The following DIS3L2 variants were observed in gnomAD, a reference collection of about 807,000 sequenced individuals.
DIS3L2 encodes the protein DIS3-like exonuclease 2.
DIS3L2 carries 34 observed loss-of-function variants against 97.5 expected under a neutral mutation model. The ratio of observed to expected loss-of-function variants is 0.35; its 90% CI spans 0.27 to 0.46. The LOEUF (loss-of-function observed/expected upper bound fraction) is 0.46, where lower values mean the gene tolerates loss of function less well. DIS3L2 is among the 20% of genes least tolerant of loss of function. The pLI is 1.00. For synonymous variants in DIS3L2, 435 were observed against 445.2 expected, an observed-to-expected ratio of 0.98 and a Z score of 0.29; for missense variants, 1,038 against 1,146.0, an observed-to-expected ratio of 0.91 and a Z score of 1.36.
intron 9 of DIS3L2, among the ~76,000 whole-genome samples, chr2:232,167,180 C>T (rs1690849303): frequency 6.6e-6 from 1 of 151,990 alleles, no homozygotes; most frequent in Admixed American, 6.6e-5. Flanking sequence ...GAAATTACTA[C>T]TTTAGGCATC....
intron 14 of DIS3L2, among the ~76,000 whole-genome samples, chr2:232,305,217 A>T (rs1408507203): frequency 6.6e-6 from 1 of 152,156 alleles, no homozygotes; most frequent in African/African-American, 2.4e-5. Context: ...CTGGGATTAC[A>T]GGCGCGCACC....
chr2:232,168,008 A>G (rs945271004), intron 9 of DIS3L2, among the ~76,000 whole-genome samples: 3 of 152,186 alleles, frequency 2.0e-5, no homozygotes, highest in African/African-American at 7.2e-5. Flanking sequence ...AGATTGTGCC[A>G]CTGAACTCCA....
chr2:232,329,785 T>TGCCGGGGGGCCC, intron 14 of DIS3L2, 28 bp from the exon 15 acceptor site: 36 of 967,130 alleles, frequency 3.7e-5, no homozygotes, highest in Non-Finnish European at 4.8e-5. Context: ...ACCCCAGCGG[T>TGCCGGGGGGCCC]CCCTCCCATC....
intron 6 of DIS3L2, among the ~76,000 whole-genome samples, chr2:232,113,090 GGTT>G (rs1315167503): frequency 2.0e-5 from 3 of 152,152 alleles, no homozygotes; most frequent in African/African-American, 7.2e-5. Context: ...AGTCATCCAA[GGTT>G]GTTACAGAAA....
At chr2:232,027,615 T>C (rs898247003) in intron 4 of DIS3L2, among the ~76,000 whole-genome samples, 6 of 152,248 alleles carry the variant, frequency 3.9e-5, no homozygotes, top group African/African-American at 1.4e-4. Context: ...TCATTTGCTA[T>C]GCTAAAATAT....
intron 5 of DIS3L2, among the ~76,000 whole-genome samples, chr2:232,052,950 C>T (rs1480298799): frequency 6.6e-6 from 1 of 152,100 alleles, no homozygotes; most frequent in Middle Eastern, 3.2e-3. Flanking sequence ...ATGGCAAGTG[C>T]CGTTTGTTGT....
At chr2:232,287,801 G>A (rs748235716) in intron 13 of DIS3L2, among the ~76,000 whole-genome samples, 1 of 152,058 alleles carries the variant, frequency 6.6e-6, no homozygotes, top group Non-Finnish European at 1.5e-5. Context: ...TTCACAATAC[G>A]CGTGGGTTCT....
At chr2:232,336,026 A>AC (rs1170146344) in intron 20 of DIS3L2, 152 bp downstream of exon 20, 3 of 1,522,420 alleles carry the variant, frequency 2.0e-6, no homozygotes, top group African/African-American at 2.8e-5. Context: ...GCTCACCCAG[A>AC]CCCCCTCCTG....
At chr2:232,158,993 C>T (rs903909711) in intron 8 of DIS3L2, among the ~76,000 whole-genome samples, 10 of 152,218 alleles carry the variant, frequency 6.6e-5, no homozygotes, top group African/African-American at 1.7e-4. Flanking sequence ...GATAATAGGT[C>T]CCCCATATCT....
At chr2:232,340,258 G>A (rs868406345), downstream of DIS3L2, among the ~76,000 whole-genome samples, 2 of 152,170 alleles carry the variant, frequency 1.3e-5, no homozygotes, top group African/African-American at 4.8e-5. Context: ...GCTGACCTGA[G>A]AAAGGCGACT....
intron 16 of DIS3L2, among the ~76,000 whole-genome samples, chr2:232,333,133 A>ACCTCCTCCTTCCACCACCT (rs1553551320): frequency 2.2e-5 from 3 of 136,992 alleles, no homozygotes; most frequent in African/African-American, 8.4e-5. Flanking sequence ...GACCACCACC[A>ACCTCCTCCTTCCACCACCT]CCTCCTCCTT....
chr2:232,307,639 T>C (rs1695022988), intron 14 of DIS3L2: 1 of 152,216 alleles, frequency 6.6e-6, no homozygotes, highest in South Asian at 2.1e-4. Flanking sequence ...ATCTAGACTT[T>C]ATGATCCATG....
chr2:232,070,313 T>C (rs1695976671), intron 5 of DIS3L2, among the ~76,000 whole-genome samples: 1 of 148,998 alleles, frequency 6.7e-6, no homozygotes, highest in African/African-American at 2.4e-5. Flanking sequence ...GGCTTGCTTT[T>C]CTAGTTTACC....
intron 9 of DIS3L2, among the ~76,000 whole-genome samples, chr2:232,186,973 T>C (rs1691456295): frequency 6.6e-6 from 1 of 152,182 alleles, no homozygotes; most frequent in African/African-American, 2.4e-5. Flanking sequence ...AATTTTGTGC[T>C]TTGAAGGACA....
chr2:231,996,174 G>C (rs1693725548), intron 1 of DIS3L2, among the ~76,000 whole-genome samples: 1 of 152,212 alleles, frequency 6.6e-6, no homozygotes. Flanking sequence ...TAATCCCATG[G>C]AATTGGGAGG....
intron 12 of DIS3L2, among the ~76,000 whole-genome samples, chr2:232,257,539 G>T (rs1274005167): frequency 6.6e-6 from 1 of 152,156 alleles, no homozygotes; most frequent in African/African-American, 2.4e-5. Flanking sequence ...GCCTGGTTTT[G>T]TTCCAGTCAG....
intron 4 of DIS3L2, among the ~76,000 whole-genome samples, chr2:232,026,986 T>C (rs1694677103): frequency 6.6e-6 from 1 of 152,130 alleles, no homozygotes; most frequent in Non-Finnish European, 1.5e-5. Flanking sequence ...TCTAGGTAAT[T>C]AAGAATAGAT....
chr2:232,087,447 C>G, intron 5 of DIS3L2, 40 bp from the exon 6 acceptor site: 3 of 1,435,914 alleles, frequency 2.1e-6, no homozygotes, highest in Non-Finnish European at 2.8e-6. Context: ...TTTTTTTTTC[C>G]TCTCTCAGTG....
intron 9 of DIS3L2, among the ~76,000 whole-genome samples, chr2:232,173,695 ATTCT>A (rs1407870461): frequency 6.6e-6 from 1 of 152,070 alleles, no homozygotes; most frequent in African/African-American, 2.4e-5. Context: ...TGACAAGATG[ATTCT>A]TTCTTCATGA....
Sources: gnomAD v4.1 joint callset for allele counts (sites outside exome capture counted in the v4.1 genomes callset) on GRCh38, gnomAD v4.1.1 for gene constraint, MANE v1.5 for transcripts, NCBI Gene and HGNC (gene_info 2026-07-23, HGNC 2026-07-21) for gene names.